The following TRAPPC9 variants were observed in gnomAD, a reference collection of about 807,000 sequenced individuals.
TRAPPC9 encodes trafficking protein particle complex subunit 9, also known as IKK2 binding protein.
In TRAPPC9, 83 loss-of-function variants were observed where a neutral mutation model predicts 124.0. The observed-to-expected ratio is 0.67, with a 90% CI of 0.56 to 0.80. TRAPPC9 has a LOEUF of 0.80. Ranked by LOEUF, TRAPPC9 falls within the 30% of genes least tolerant of loss-of-function variation. The pLI, the probability that TRAPPC9 is intolerant of heterozygous loss-of-function variation, is 0.00. For synonymous variants in TRAPPC9, 638 were observed against 617.5 expected, an observed-to-expected ratio of 1.03 and a Z score of -0.49; for missense variants, 1,302 against 1,508.3, an observed-to-expected ratio of 0.86 and a Z score of 2.27.
chr8:140,113,613 T>A (rs2130531168), intron 17 of TRAPPC9, among the ~76,000 whole-genome samples: 1 of 152,262 alleles, frequency 6.6e-6, no homozygotes, highest in South Asian at 2.1e-4. Flanking sequence ...CCAGGCAGAC[T>A]CAGCGGGGAC....
intron 19 of TRAPPC9, among the ~76,000 whole-genome samples, chr8:139,919,551 T>A (rs1832378720): frequency 6.6e-6 from 1 of 152,216 alleles, no homozygotes; most frequent in Non-Finnish European, 1.5e-5. Flanking sequence ...AAGGAAGTTA[T>A]CATGATAAAG....
chr8:139,988,746 C>A lies in TRAPPC9; in HGVS notation c.2790G>T (p.Leu930=). The change falls in exon 19 of 23, where the codon CTG becomes CTT. Residue 930 remains leucine (L), a synonymous_variant. Transcript: ENST00000438773. ...VSTRSSEALI[L]HAGECQRMAI... is the part of the protein sequence containing the mutation. Reference sequence around the variant, plus strand: ...CTTACCGCTGGCACTCACCGGCGTGCAGGATGAGTGCCTCGCTGCTCCTGG... The same window carrying A: ...CTTACCGCTGGCACTCACCGGCGTGAAGGATGAGTGCCTCGCTGCTCCTGG... 1 of 1,550,754 alleles carries A rather than the reference C, an allele frequency of 6.4e-7. No individual in the cohort carries two copies. The highest frequency in any genetic ancestry group is 8.7e-7 in the Non-Finnish European group (1 of 1,146,746).
intron 15 of TRAPPC9, among the ~76,000 whole-genome samples, chr8:140,265,148 A>G (rs927388339): frequency 1.3e-5 from 2 of 150,904 alleles, no homozygotes; most frequent in Non-Finnish European, 3.0e-5. Context: ...GGCCTATTCC[A>G]CATACACAGA....
intron 17 of TRAPPC9, among the ~76,000 whole-genome samples, chr8:140,176,679 G>T (rs2062078738): frequency 1.3e-5 from 2 of 152,212 alleles, no homozygotes; most frequent in Admixed American, 1.3e-4. Flanking sequence ...ACATAGGGGA[G>T]AAGAGGAATT....
chr8:139,839,545 T>C (rs917523744), intron 21 of TRAPPC9, among the ~76,000 whole-genome samples: 3 of 152,110 alleles, frequency 2.0e-5, no homozygotes, highest in Non-Finnish European at 2.9e-5. Context: ...GGGTCAATGA[T>C]TTTGGCCTCT....
chr8:140,450,923 A>T lies in TRAPPC9; in HGVS notation c.451T>A (p.Phe151Ile). The T allele has an allele frequency of 6.2e-7, 1 of 1,614,140 alleles. No individual in the cohort carries two copies. The highest frequency in any genetic ancestry group is 8.5e-7 in the Non-Finnish European group (1 of 1,180,038). Residue 151 changes from phenylalanine to isoleucine, a missense_variant, in exon 2 of 23, where the codon TTC becomes ATC. By Grantham distance (21) the Phe-to-Ile change is conservative (BLOSUM62 0). This residue lies in a region of TRAPPC9 where 657 missense variants were observed against 811.2 expected (regional missense o/e 0.81). Coordinates refer to ENST00000438773, the MANE Select transcript of TRAPPC9 (RefSeq NM_001160372.4). ...AGCACGATGAACAGTGACTCGATGA[A>T]GTCCTCGATTCTCTTCTCCACCGTC... ...CQTVEKRIED[F>I]IESLFIVLES...
intron 17 of TRAPPC9, among the ~76,000 whole-genome samples, chr8:140,158,182 C>T (rs2061687775): frequency 6.6e-6 from 1 of 152,220 alleles, no homozygotes; most frequent in Admixed American, 6.5e-5. Flanking sequence ...ACAGCCCCCC[C>T]TCAAATATAA....
chr8:140,370,941 C>T lies in TRAPPC9; in HGVS notation c.1351+23G>A, dbSNP rs376931790. ...CATCAGACAGAAAGCAACACCTTAG[C>T]GCCAGCAAGGGGACTCCAGTACCTC... On this transcript the variant is annotated intron_variant, in intron 8 of 22. Transcript: ENST00000438773. 1.2e-5 allele frequency: 20 copies of T among 1,612,164 alleles called. No homozygotes were observed. In the African/African-American group the frequency reaches 1.5e-4, roughly 12 times the overall value.
At chr8:139,867,865 C>A (rs1353254634) in intron 21 of TRAPPC9, among the ~76,000 whole-genome samples, 1 of 152,096 alleles carries the variant, frequency 6.6e-6, no homozygotes, top group Non-Finnish European at 1.5e-5. Flanking sequence ...CTGCATGAGA[C>A]CCAAATCTTA....
chr8:140,269,622 TAGATATGTAATA>T (rs2064814325), intron 15 of TRAPPC9, among the ~76,000 whole-genome samples: 1 of 152,070 alleles, frequency 6.6e-6, no homozygotes. Context: ...GGAGGCTGGA[TAGATATGTAATA>T]AGGCAAATAT....
chr8:140,185,931 A>G (rs989935129), intron 17 of TRAPPC9, among the ~76,000 whole-genome samples: 1 of 152,162 alleles, frequency 6.6e-6, no homozygotes, highest in Non-Finnish European at 1.5e-5. Flanking sequence ...CCTGCCCCAG[A>G]CACTGAGGGT....
At chr8:139,743,347 G>A (rs754189869) in intron 21 of TRAPPC9, among the ~76,000 whole-genome samples, 9 of 152,214 alleles carry the variant, frequency 5.9e-5, no homozygotes, top group Non-Finnish European at 1.3e-4. Flanking sequence ...AGAAACAGGG[G>A]ACTAAGTAGA....
At position 140,353,195 on chromosome 8, in the gene TRAPPC9, G is replaced by A. The variant is rs1001390749; in HGVS notation, c.1495+6855C>T. On this transcript the variant is annotated intron_variant, in intron 9 of 22. Transcript: ENST00000438773. This position sits in a 1 kb window ranked among gnomAD's most constrained non-coding sequence, Gnocchi z 4.2. ...CAACGCAAACCATCTATACTCTAGC[G>A]TGAGAACATCACACTCCCTGCCATC... Among the ~76,000 whole-genome samples, 6 of 152,140 alleles carry A rather than the reference G, an allele frequency of 3.9e-5. No individual in the cohort carries two copies. The highest frequency in any genetic ancestry group is 4.8e-5 in the African/African-American group (2 of 41,404).
chr8:140,196,853 C>A (rs895661421), intron 17 of TRAPPC9, among the ~76,000 whole-genome samples: 2 of 152,148 alleles, frequency 1.3e-5, no homozygotes, highest in Non-Finnish European at 2.9e-5. Flanking sequence ...ACACATTGAA[C>A]AATTCACGTA....
intron 21 of TRAPPC9, among the ~76,000 whole-genome samples, chr8:139,758,954 G>C (rs568178001): frequency 1.2e-4 from 18 of 152,326 alleles, no homozygotes; most frequent in Admixed American, 1.2e-3. Context: ...AAGGGCAGGG[G>C]CAGCCCTGGC....
At position 140,089,622 on chromosome 8, in the gene TRAPPC9, C is replaced by A. The variant is rs1022520309; in HGVS notation, c.2557-65543G>T. ...AGGGCCATGGAGCTGCCTAAGCTGCCTTCCTGCCTGTCTCCCCAAGAGACA... is the reference window on the plus strand; with the variant it reads ...AGGGCCATGGAGCTGCCTAAGCTGCATTCCTGCCTGTCTCCCCAAGAGACA... On this transcript the variant is annotated intron_variant, in intron 17 of 22. Coordinates refer to ENST00000438773, the MANE Select transcript of TRAPPC9 (RefSeq NM_001160372.4). Among the ~76,000 whole-genome samples, 4 of 152,288 alleles carry A rather than the reference C, an allele frequency of 2.6e-5. No individual in the cohort carries two copies. The South Asian group carries it at 8.3e-4, about 32-fold the overall frequency.
At chr8:140,336,354 C>T (rs1479848652) in intron 9 of TRAPPC9, among the ~76,000 whole-genome samples, 1 of 152,186 alleles carries the variant, frequency 6.6e-6, no homozygotes, top group Non-Finnish European at 1.5e-5. Context: ...CCTGGCTTGC[C>T]TCTGTCTGCA....
chr8:140,393,889 G>A (rs2069007477), intron 7 of TRAPPC9, among the ~76,000 whole-genome samples: 1 of 152,186 alleles, frequency 6.6e-6, no homozygotes, highest in Non-Finnish European at 1.5e-5. Flanking sequence ...ACATGGAGAT[G>A]AGTCAACTCA....
chr8:140,394,278 G>C (rs1210402213), intron 7 of TRAPPC9, among the ~76,000 whole-genome samples: 1 of 152,060 alleles, frequency 6.6e-6, no homozygotes, highest in Non-Finnish European at 1.5e-5. Context: ...GCTTTCGGAG[G>C]GTCCGTTTAA....
Sources: gnomAD v4.1 joint callset for allele counts (sites outside exome capture counted in the v4.1 genomes callset) on GRCh38, gnomAD v4.1.1 for gene constraint, gnomAD v4.1.1 regional missense constraint, Gnocchi (gnomAD v3.1) non-coding constraint, MANE v1.5 for transcripts, NCBI Gene and HGNC (gene_info 2026-07-23, HGNC 2026-07-21) for gene names.